The following SYCP1 variants were observed in gnomAD, a reference collection of about 807,000 sequenced individuals.
SYCP1 encodes the protein synaptonemal complex protein 1.
A neutral mutation model predicts 153.1 loss-of-function variants in SYCP1; 64 were observed. The observed-to-expected ratio is 0.42, with a 90% CI of 0.34 to 0.51. SYCP1 has a LOEUF of 0.51. SYCP1 is among the 20% of genes least tolerant of loss of function. The pLI, the probability that SYCP1 is intolerant of heterozygous loss-of-function variation, is 0.06. For missense variants in SYCP1, 997 were observed against 1,049.0 expected, an observed-to-expected ratio of 0.95 and a Z score of 0.68; for synonymous variants, 384 against 341.8, an observed-to-expected ratio of 1.12 and a Z score of -1.36.
At chr1:114,889,877 G>A (rs987630762) in intron 15 of SYCP1, among the ~76,000 whole-genome samples, 3 of 151,976 alleles carry the variant, frequency 2.0e-5, no homozygotes, top group Non-Finnish European at 4.4e-5. Context: ...GTTAATTTTT[G>A]TATACCTATA....
chr1:114,865,636 G>A (rs765370192), intron 8 of SYCP1, among the ~76,000 whole-genome samples: 1 of 152,034 alleles, frequency 6.6e-6, no homozygotes, highest in Non-Finnish European at 1.5e-5. Context: ...TAGCCTCTCC[G>A]ATTATCAACA....
intron 27 of SYCP1, among the ~76,000 whole-genome samples, chr1:114,968,177 A>G (rs1672256960): frequency 6.6e-6 from 1 of 151,762 alleles, no homozygotes; most frequent in South Asian, 2.1e-4. Context: ...CTTCTCTAGG[A>G]GTATCTTTGT....
intron 27 of SYCP1, among the ~76,000 whole-genome samples, chr1:114,971,830 A>G (rs1195470246): frequency 6.6e-6 from 1 of 152,094 alleles, no homozygotes; most frequent in East Asian, 1.9e-4. Flanking sequence ...GTATTTTTTG[A>G]GGATTTTTGC....
intron 16 of SYCP1, among the ~76,000 whole-genome samples, chr1:114,901,126 T>G (rs1355146412): frequency 6.6e-6 from 1 of 152,170 alleles, no homozygotes; most frequent in Non-Finnish European, 1.5e-5. Flanking sequence ...TGTCATAAGA[T>G]CTTTTCAAAT....
intron 20 of SYCP1, among the ~76,000 whole-genome samples, chr1:114,915,028 T>C (rs1668426713): frequency 6.6e-6 from 1 of 151,174 alleles, no homozygotes; most frequent in African/African-American, 2.4e-5. Flanking sequence ...CCCACGACTT[T>C]ATGCTAACAG....
intron 21 of SYCP1, among the ~76,000 whole-genome samples, chr1:114,925,974 T>TA (rs961557267): frequency 3.3e-5 from 5 of 150,648 alleles, no homozygotes; most frequent in South Asian, 2.1e-4. Flanking sequence ...ATTTTTTTTT[T>TA]AAAAAAAGAG....
chr1:114,916,779 G>A (rs945830999), intron 20 of SYCP1, among the ~76,000 whole-genome samples: 2 of 151,490 alleles, frequency 1.3e-5, no homozygotes, highest in South Asian at 4.2e-4. Flanking sequence ...TTATATGAAA[G>A]GTTTCAATTT....
chr1:114,859,367 G>T (rs1044072464), intron 6 of SYCP1, among the ~76,000 whole-genome samples: 9 of 152,162 alleles, frequency 5.9e-5, no homozygotes, highest in Non-Finnish European at 1.0e-4. Context: ...GATTACAGGC[G>T]TGAGCCACTG....
At chr1:114,971,543 G>C (rs767807912) in intron 27 of SYCP1, among the ~76,000 whole-genome samples, 2 of 151,964 alleles carry the variant, frequency 1.3e-5, no homozygotes, top group East Asian at 3.9e-4. Flanking sequence ...TCAGTACTTC[G>C]CCATTCAGTA....
In SYCP1 at chr1:114,857,136, C is replaced by CAAAAAAAAAAAAAAAAAAAAAA. The variant is rs71582509; in HGVS notation, c.194-75_194-74insAAAAAAAAAAAAAAAAAAAAAA. ...ATAGTGCCAGATGTCCTCTCTCTCT[C>CAAAAAAAAAAAAAAAAAAAAAA]AAAAAAAAAAAAAAAAAAAAAGAGA... is the stretch of plus-strand genomic sequence containing the variant. On this transcript the variant is annotated intron_variant, in intron 3 of 31. Coordinates refer to ENST00000369522, the MANE Select transcript of SYCP1 (RefSeq NM_003176.4). 4.0e-4 allele frequency: 98 copies of CAAAAAAAAAAAAAAAAAAAAAA among 245,182 alleles called. 4 individuals are homozygous for CAAAAAAAAAAAAAAAAAAAAAA. Among genetic ancestry groups the CAAAAAAAAAAAAAAAAAAAAAA allele is most frequent in the African/African-American group, 1.3e-3 (22 of 16,856 alleles). The allele number at this position is 245,182 out of a possible 1,614,324, so 15.2% of individuals were successfully genotyped here.
intron 16 of SYCP1, among the ~76,000 whole-genome samples, chr1:114,903,060 A>G (rs1667578155): frequency 1.3e-5 from 2 of 152,248 alleles, no homozygotes; most frequent in Middle Eastern, 3.4e-3. Flanking sequence ...GTGTGACTAT[A>G]ATCCCAGCTA....
chr1:114,875,322 G>T (rs1206386646), intron 9 of SYCP1, among the ~76,000 whole-genome samples: 1 of 147,118 alleles, frequency 6.8e-6, no homozygotes, highest in Non-Finnish European at 1.5e-5. Flanking sequence ...GTGCAGTGGC[G>T]CAACCTCGGC....
In SYCP1 at chr1:114,971,407, C is replaced by T. The variant is rs1001457092; in HGVS notation, c.2323-6150C>T. Among the ~76,000 whole-genome samples the T allele has an allele frequency of 7.9e-5, 12 of 152,136 alleles. 1 individual carries two copies. The East Asian group carries it at 2.3e-3, about 30-fold the overall frequency. On this transcript the variant is annotated intron_variant, in intron 27 of 31. Transcript: ENST00000369522. ...AGGGGGAAAGTTGGCATTGACAGGCCTCACCCAGCTCCCACACAGCCAGCA... is the reference window on the plus strand; with the variant it reads ...AGGGGGAAAGTTGGCATTGACAGGCTTCACCCAGCTCCCACACAGCCAGCA...
chr1:114,968,791 G>C, intron 27 of SYCP1, among the ~76,000 whole-genome samples: 1 of 152,162 alleles, frequency 6.6e-6, no homozygotes, highest in East Asian at 1.9e-4. Flanking sequence ...TTTTTGCACT[G>C]GTTTTTCCTC....
chr1:114,874,679 T>A (rs1665392723), intron 9 of SYCP1, 115 bp downstream of exon 9: 1 of 615,502 alleles, frequency 1.6e-6, no homozygotes, highest in Non-Finnish European at 2.7e-6. Context: ...ATTTATTTGT[T>A]GATATATTAT....
intron 26 of SYCP1, among the ~76,000 whole-genome samples, chr1:114,946,990 C>G (rs72695822): frequency 6.6e-6 from 1 of 152,128 alleles, no homozygotes; most frequent in Non-Finnish European, 1.5e-5. Flanking sequence ...GAGTGATATG[C>G]CTGCCTCTGC....
chr1:114,870,154 T>C (rs1665022374), intron 8 of SYCP1, among the ~76,000 whole-genome samples: 1 of 152,066 alleles, frequency 6.6e-6, no homozygotes, highest in Non-Finnish European at 1.5e-5. Flanking sequence ...GTGGGGACTA[T>C]AGGTGTGTAT....
intron 11 of SYCP1, among the ~76,000 whole-genome samples, chr1:114,877,154 T>C (rs1028248592): frequency 6.6e-6 from 1 of 152,106 alleles, no homozygotes; most frequent in African/African-American, 2.4e-5. Flanking sequence ...CAACTTACAT[T>C]TTGCAGTTTG....
intron 8 of SYCP1, chr1:114,862,927 G>C (rs1664477131): frequency 6.6e-6 from 1 of 151,932 alleles, no homozygotes; most frequent in East Asian, 1.9e-4. Context: ...GCTATGTCAT[G>C]AAATCTTCTA....
Sources: gnomAD v4.1 joint callset for allele counts (sites outside exome capture counted in the v4.1 genomes callset) on GRCh38, gnomAD v4.1.1 for gene constraint, MANE v1.5 for transcripts, NCBI Gene and HGNC (gene_info 2026-07-23, HGNC 2026-07-21) for gene names.